MRC1: variants seen among roughly 807,000 people sequenced by gnomAD.
The protein encoded by MRC1 is mannose receptor C-type 1, also known as macrophage mannose receptor 1.
A neutral mutation model predicts 102.9 loss-of-function variants in MRC1; 62 were observed. The observed-to-expected ratio is 0.60, with a 90% confidence interval of 0.49 to 0.74. The LOEUF (loss-of-function observed/expected upper bound fraction) is 0.74, where lower values mean the gene tolerates loss of function less well. MRC1 is among the 30% of genes least tolerant of loss of function. The pLI is 0.00. For missense variants in MRC1, 1,237 were observed against 862.8 expected, an observed-to-expected ratio of 1.43 and a Z score of -5.43; for synonymous variants, 457 against 298.4, an observed-to-expected ratio of 1.53 and a Z score of -5.48.
intron 1 of MRC1, among the ~76,000 whole-genome samples, chr10:17,819,369 A>C (rs2130583344): frequency 6.6e-6 from 1 of 152,200 alleles, no homozygotes. Context: ...TTAGAGCCAA[A>C]CCATGGTGGC....
intron 1 of MRC1, among the ~76,000 whole-genome samples, chr10:17,812,567 C>CTTTTT (rs879229292): frequency 1.3e-4 from 10 of 79,904 alleles, no homozygotes; most frequent in South Asian, 4.8e-4. Flanking sequence ...CAACAGTAGG[C>CTTTTT]TTTTTTTTTT....
chr10:17,824,709 C>A (rs924506098), intron 2 of MRC1, among the ~76,000 whole-genome samples: 17 of 152,094 alleles, frequency 1.1e-4, no homozygotes, highest in Admixed American at 9.8e-4. Flanking sequence ...TTAAACTTGA[C>A]GGAGTCAAAT....
At chr10:17,856,071 G>C (rs2130652426) in intron 8 of MRC1, among the ~76,000 whole-genome samples, 171 bp from the exon 9 acceptor site, 1 of 151,078 alleles carries the variant, frequency 6.6e-6, no homozygotes, top group East Asian at 2.0e-4. Flanking sequence ...TAGGGGGGCT[G>C]AGGCAGGAGA....
intron 15 of MRC1, among the ~76,000 whole-genome samples, chr10:17,873,221 C>T (rs982193996): frequency 4.6e-5 from 7 of 152,088 alleles, no homozygotes; most frequent in Admixed American, 4.6e-4. Flanking sequence ...GTAAGCCATA[C>T]ATTTAAGAAA....
At chr10:17,860,202 T>A (rs2028633) in intron 9 of MRC1, among the ~76,000 whole-genome samples, 17,642 of 151,910 alleles carry the variant, frequency 0.12, 1,197 homozygotes, top group Non-Finnish European at 0.16. Context: ...GTACCTGGAG[T>A]TTTCCCCCTT....
rs1833361474 is a variant in MRC1 at position 17,872,047 on chromosome 10, G to A, written c.2265G>A (p.Glu755=). 2 of 780,576 alleles carry A rather than the reference G, an allele frequency of 2.6e-6. No individual in the cohort carries two copies. The highest frequency in any genetic ancestry group is 1.7e-5 in the Admixed American group (1 of 58,998). 48.4% of individuals were successfully genotyped at this position (780,576 alleles called of 1,614,324 possible). Residue 755 remains glutamate (E), a synonymous_variant, in exon 15 of 30, where the codon GAG becomes GAA. Transcript: ENST00000569591. Reference sequence around the variant, plus strand: ...ATCAAAATGTTGAATACTGTGGTGAGCTGAAAGGTGACCCTACTATGTCTT... The same window carrying A: ...ATCAAAATGTTGAATACTGTGGTGAACTGAAAGGTGACCCTACTATGTCTT... ...NNYQNVEYCG[E]LKGDPTMSWN...
At chr10:17,894,481 C>G (rs1294813670) in intron 23 of MRC1, among the ~76,000 whole-genome samples, 169 bp downstream of exon 23, 3 of 139,030 alleles carry the variant, frequency 2.2e-5, no homozygotes, top group Non-Finnish European at 3.0e-5. Flanking sequence ...ATCACTGCAA[C>G]TTCCGCCTCC....
At chr10:17,875,282 T>G in intron 17 of MRC1, 29 bp downstream of exon 17, 1 of 778,580 alleles carries the variant, frequency 1.3e-6, no homozygotes, top group Non-Finnish European at 2.4e-6. Context: ...TTTTAAAATT[T>G]TAATAGTTTT....
At position 17,809,450 on chromosome 10, in the gene MRC1, G is replaced by A. The variant is rs1257242636; in HGVS notation, c.-16G>A. ...CCTCCTGTCCATCAGGAGAAGGAAA[G>A]GATAAACCCTGGGCCATGAGGCTAC... On this transcript the variant is annotated 5_prime_UTR_variant, in exon 1 of 30. Transcript: ENST00000569591. 5 of 872,614 alleles carry A rather than the reference G, an allele frequency of 5.7e-6. No individual in the cohort carries two copies. The highest frequency in any genetic ancestry group is 1.0e-5 in the Non-Finnish European group (5 of 501,510). The allele number at this position is 872,614 out of a possible 1,614,324, so 54.1% of individuals were successfully genotyped here.
chr10:17,841,166 T>C (rs1320764504), intron 5 of MRC1, among the ~76,000 whole-genome samples: 5 of 152,248 alleles, frequency 3.3e-5, no homozygotes, highest in African/African-American at 1.2e-4. Flanking sequence ...ATTGTTACTA[T>C]ATACTTGCTG....
chr10:17,893,899 A>G (rs1833715676), intron 22 of MRC1, among the ~76,000 whole-genome samples: 1 of 152,144 alleles, frequency 6.6e-6, no homozygotes, highest in Non-Finnish European at 1.5e-5. Context: ...GTGTTCTCCT[A>G]GTTTCTTTGA....
intron 7 of MRC1, 40 bp downstream of exon 7, chr10:17,849,804 C>G (rs1838886633): frequency 1.9e-5 from 14 of 756,474 alleles, no homozygotes; most frequent in South Asian, 1.8e-4. Flanking sequence ...GGCTTTAATC[C>G]TGGGAGCACC....
chr10:17,906,713 T>G (rs1268061206), intron 26 of MRC1, among the ~76,000 whole-genome samples, 173 bp from the exon 27 acceptor site: 1 of 152,198 alleles, frequency 6.6e-6, no homozygotes, highest in Non-Finnish European at 1.5e-5. Flanking sequence ...AAAAACGTAT[T>G]TCAGAATGAA....
intron 22 of MRC1, among the ~76,000 whole-genome samples, chr10:17,887,950 A>C (rs2130701506): frequency 6.6e-6 from 1 of 152,146 alleles, no homozygotes; most frequent in South Asian, 2.1e-4. Flanking sequence ...TTACAGGTGC[A>C]CACCACCACA....
At position 17,875,117 on chromosome 10, in the gene MRC1, T is replaced by C; in HGVS notation, c.2414T>C (p.Val805Ala). The part of the protein sequence containing the change: ...DNPPVTEDGW[V>A]IYKDYQYYFS... Reference sequence around the variant, plus strand: ...CCACCAGTTACTGAAGATGGGTGGGTTATTTACAAAGACTACCAGTATTAT... The same window carrying C: ...CCACCAGTTACTGAAGATGGGTGGGCTATTTACAAAGACTACCAGTATTAT... The change falls in exon 17 of 30, where the codon GTT (valine) becomes GCT (alanine). Residue 805 changes from valine to alanine, a missense_variant. By Grantham distance (64) the Val-to-Ala change is moderately conservative. Coordinates refer to ENST00000569591, the MANE Select transcript of MRC1 (RefSeq NM_002438.4). The C allele has an allele frequency of 1.3e-6, 1 of 780,812 alleles. No individual in the cohort carries two copies. The highest frequency in any genetic ancestry group is 2.4e-6 in the Non-Finnish European group (1 of 417,942). 48.4% of individuals were successfully genotyped at this position (780,812 alleles called of 1,614,324 possible).
chr10:17,845,798 G>A (rs1156659643), intron 6 of MRC1, among the ~76,000 whole-genome samples: 1 of 152,096 alleles, frequency 6.6e-6, no homozygotes, highest in Non-Finnish European at 1.5e-5. Context: ...CATTTGGAAG[G>A]GATGTTTATA....
At chr10:17,815,833 C>CT (rs35361671) in intron 1 of MRC1, among the ~76,000 whole-genome samples, 41 of 144,992 alleles carry the variant, frequency 2.8e-4, no homozygotes, top group East Asian at 4.0e-4. Flanking sequence ...TTTTTCTTTT[C>CT]TTTTTTTTTT....
Position 17,840,735 on chromosome 10 carries a change from A to T in MRC1, c.845A>T (p.Asn282Ile), listed in dbSNP as rs782324691. 2 of 780,880 alleles carry T rather than the reference A, an allele frequency of 2.6e-6. No individual in the cohort carries two copies. The highest frequency in any genetic ancestry group is 2.7e-5 in the South Asian group (2 of 74,616). The allele number at this position is 780,880 out of a possible 1,614,324, so 48.4% of individuals were successfully genotyped here. ...SLTSGLWIGL[N>I]SLSFNSGWQW... ...ACCTCAGGACTCTGGATTGGACTTA[A>T]CAGTCTGAGCTTCAACAGCGGTTGG... Residue 282 changes from asparagine to isoleucine, a missense_variant, in exon 5 of 30, where the codon AAC (asparagine) becomes ATC (isoleucine). By Grantham distance (149) the Asn-to-Ile change is moderately radical (BLOSUM62 -3). Transcript: ENST00000569591.
chr10:17,901,460 G>A (rs937719920), intron 25 of MRC1, among the ~76,000 whole-genome samples: 2,643 of 152,138 alleles, frequency 0.017, 68 homozygotes, highest in African/African-American at 0.059. Context: ...AGGCCGAGGC[G>A]GGCAGATCAC....
Sources: gnomAD v4.1 joint callset for allele counts (sites outside exome capture counted in the v4.1 genomes callset) on GRCh38, gnomAD v4.1.1 for gene constraint, MANE v1.5 for transcripts, NCBI Gene and HGNC (gene_info 2026-07-23, HGNC 2026-07-21) for gene names.